The following TIFA variants were observed in gnomAD, a reference collection of about 807,000 sequenced individuals.
TIFA encodes the protein TRAF-interacting protein with FHA domain-containing protein A.
For synonymous variants in TIFA, 75 were observed against 79.2 expected (o/e 0.95, Z 0.28); for missense variants, 186 against 215.2 (o/e 0.86, Z 0.85).
intron 1 of TIFA, among the ~76,000 whole-genome samples, chr4:112,279,735 C>G (rs1462197844): frequency 6.6e-6 from 1 of 151,638 alleles, no homozygotes; most frequent in Non-Finnish European, 1.5e-5. Flanking sequence ...GGCGCAATCT[C>G]AGCTCACTGC....
At position 112,285,707 on chromosome 4, in the gene TIFA, G is replaced by C. The variant is rs1727311897; in HGVS notation, c.-86C>G. On this transcript the variant is annotated 5_prime_UTR_variant, in exon 1 of 2. Transcript: ENST00000361717. ...CTCCCGGCTCAGAGCGAGGGGAATC[G>C]AGGAGACTGGGCGCAGGATGGGGGT... is the stretch of plus-strand genomic sequence containing the variant. 6.6e-6 allele frequency: 1 copy of C among 152,432 alleles called. No homozygotes were observed. The highest frequency in any genetic ancestry group is 2.1e-4 in the South Asian group (1 of 4,830). 9.4% of individuals were successfully genotyped at this position (152,432 alleles called of 1,614,324 possible).
rs1727082082 is a variant in TIFA, at chr4:112,275,072, A to AT, written c.*2789dup. 6.6e-6 allele frequency: 1 copy of AT among 152,024 alleles called. No individual in the cohort carries two copies. The highest frequency in any genetic ancestry group is 2.4e-5 in the African/African-American group (1 of 41,376). 9.4% of individuals were successfully genotyped at this position (152,024 alleles called of 1,614,324 possible). A position where few individuals can be genotyped will look rare whatever the true frequency, so the allele number is the denominator to read the frequency against. On this transcript the variant is annotated 3_prime_UTR_variant, in exon 2 of 2. Coordinates refer to ENST00000361717, the MANE Select transcript of TIFA (RefSeq NM_052864.3). ...TCAGTACCTTGTATCAAACACCAATATTTTTGTTTGCCCCACCCCCACCCC... is the reference window on the plus strand; with the variant it reads ...TCAGTACCTTGTATCAAACACCAATATTTTTTGTTTGCCCCACCCCCACCCC...
rs1727134045 is a variant in TIFA at position 112,277,329 on chromosome 4, TA to T, written c.*532del. The T allele has an allele frequency of 6.6e-6, 1 of 152,372 alleles. No homozygotes were observed. Among genetic ancestry groups the T allele is most frequent in the South Asian group, 2.1e-4 (1 of 4,830 alleles). The allele number at this position is 152,372 out of a possible 1,614,324, so 9.4% of individuals were successfully genotyped here. ...TCTGTAAAAAGAAATCATAGAAAAG[TA>T]AGGTAGTATTTCTCAAATAAGTCCT... On this transcript the variant is annotated 3_prime_UTR_variant, in exon 2 of 2. Transcript: ENST00000361717.
chr4:112,279,859 G>T (rs1287165323), intron 1 of TIFA, among the ~76,000 whole-genome samples: 3 of 152,146 alleles, frequency 2.0e-5, no homozygotes, highest in African/African-American at 7.2e-5. Flanking sequence ...TAGAGACGGA[G>T]TTTTGCCATG....
Position 112,277,935 on chromosome 4 carries a change from G to A in TIFA, c.482C>T (p.Pro161Leu), listed in dbSNP as rs377097517. 32 of 1,613,810 alleles carry A rather than the reference G, an allele frequency of 2.0e-5. No homozygotes were observed. The African/African-American group carries it at 2.3e-4, about 11-fold the overall frequency. Residue 161 changes from proline to leucine, a missense_variant, in exon 2 of 2, where the codon CCG (proline) becomes CTG (leucine). By Grantham distance (98) the Pro-to-Leu change is moderately conservative (BLOSUM62 -3). Transcript: ENST00000361717. ...GCAGAGCGAATAAGTGCCATACTCC[G>A]GTATGGGCCTGTGTGGTGGCCAGTT... ...ENNWPPHRPI[P>L]EYGTYSLCSS...
chr4:112,283,907 T>C (rs1002696359), intron 1 of TIFA, among the ~76,000 whole-genome samples: 1 of 152,198 alleles, frequency 6.6e-6, no homozygotes, highest in African/African-American at 2.4e-5. Context: ...TGGTTGGAGA[T>C]TAGCAAAGTA....
At position 112,277,700 on chromosome 4, in the gene TIFA, A is replaced by AAAATTT; in HGVS notation, c.*161_*162insAAATTT. On this transcript the variant is annotated 3_prime_UTR_variant, in exon 2 of 2. Coordinates refer to ENST00000361717, the MANE Select transcript of TIFA (RefSeq NM_052864.3). Reference sequence around the variant, plus strand: ...AATACAACAGGTGACTAAGTTAATGACTAACACAATTTACAGACTTCAAAA... The same window carrying AAAATTT: ...AATACAACAGGTGACTAAGTTAATGAAAATTTCTAACACAATTTACAGACTTCAAAA... The AAAATTT allele has an allele frequency of 1.7e-6, 1 of 591,574 alleles. No individual in the cohort carries two copies. Among genetic ancestry groups the AAAATTT allele is most frequent in the Non-Finnish European group, 2.6e-6 (1 of 381,338 alleles). The allele number at this position is 591,574 out of a possible 1,614,324, so 36.6% of individuals were successfully genotyped here. A position where few individuals can be genotyped will look rare whatever the true frequency, so the allele number is the denominator to read the frequency against.
In TIFA at chr4:112,276,830, C is replaced by T. The variant is rs1284016464; in HGVS notation, c.*1032G>A. ...GAAAATTGTACAGTGAGCCTCACTACCTGGCAATGCTACAATTTAACTTAA... is the reference window on the plus strand; with the variant it reads ...GAAAATTGTACAGTGAGCCTCACTATCTGGCAATGCTACAATTTAACTTAA... On this transcript the variant is annotated 3_prime_UTR_variant, in exon 2 of 2. Transcript: ENST00000361717. 1.3e-5 allele frequency: 2 copies of T among 152,162 alleles called. No homozygotes were observed. The highest frequency in any genetic ancestry group is 1.9e-4 in the East Asian group (1 of 5,198). 9.4% of individuals were successfully genotyped at this position (152,162 alleles called of 1,614,324 possible).
chr4:112,280,226 T>C (rs141810131), intron 1 of TIFA, among the ~76,000 whole-genome samples: 222 of 152,300 alleles, frequency 1.5e-3, no homozygotes, highest in African/African-American at 5.1e-3. Context: ...TGTAGTTTTA[T>C]TGTTTTTTGT....
rs969154251 is a variant in TIFA at position 112,277,892 on chromosome 4, A to G, written c.525T>C (p.Ser175=). 3.1e-6 allele frequency: 5 copies of G among 1,599,256 alleles called. No homozygotes were observed. Among genetic ancestry groups the G allele is most frequent in the African/African-American group, 1.4e-5 (1 of 73,854 alleles). ...TYSLCSSQSS[S]PTEMDENES ...ACTCATTTTCATCCATTTCTGTCGGAGAACTGCTTTGGGAGGAGCAGAGCG... is the reference window on the plus strand; with the variant it reads ...ACTCATTTTCATCCATTTCTGTCGGGGAACTGCTTTGGGAGGAGCAGAGCG... Residue 175 remains serine, a synonymous_variant, in exon 2 of 2, where the codon TCT becomes TCC. Coordinates refer to ENST00000361717, the MANE Select transcript of TIFA (RefSeq NM_052864.3).
In TIFA at chr4:112,275,309, A is replaced by G. The variant is rs1368430054; in HGVS notation, c.*2553T>C. On this transcript the variant is annotated 3_prime_UTR_variant, in exon 2 of 2. Transcript: ENST00000361717. ...TAAAACTTGGGAGCTACAGGTGGCC[A>G]TGGAGCCAATATGCATTGAGGGTCA... 3 of 152,220 alleles carry G rather than the reference A, an allele frequency of 2.0e-5. No homozygotes were observed. Among genetic ancestry groups the G allele is most frequent in the Admixed American group, 2.0e-4 (3 of 15,284 alleles). 9.4% of individuals were successfully genotyped at this position (152,220 alleles called of 1,614,324 possible).
rs185362685 is a variant in TIFA, at chr4:112,276,899, T to C, written c.*963A>G. The C allele has an allele frequency of 3.6e-3, 549 of 152,340 alleles. No individual in the cohort carries two copies. Among genetic ancestry groups the C allele is most frequent in the African/African-American group, 0.012 (501 of 41,572 alleles). The allele number at this position is 152,340 out of a possible 1,614,324, so 9.4% of individuals were successfully genotyped here. A position where few individuals can be genotyped will look rare whatever the true frequency, so the allele number is the denominator to read the frequency against. ...TACTTAACATTCATAGCTACCTTAGTTAAGATAAGTCGAATAAGTATCTTA... is the reference window on the plus strand; with the variant it reads ...TACTTAACATTCATAGCTACCTTAGCTAAGATAAGTCGAATAAGTATCTTA... On this transcript the variant is annotated 3_prime_UTR_variant, in exon 2 of 2. Transcript: ENST00000361717.
chr4:112,284,231 G>C (rs1398207464), intron 1 of TIFA, among the ~76,000 whole-genome samples: 2 of 151,826 alleles, frequency 1.3e-5, no homozygotes, highest in African/African-American at 4.8e-5. Context: ...GAATGGATAC[G>C]TGTAGAGGTG....
Position 112,277,693 on chromosome 4 carries a change from G to GA in TIFA, c.*168_*169insT. On this transcript the variant is annotated 3_prime_UTR_variant, in exon 2 of 2. Transcript: ENST00000361717. ...GATCCAGAATACAACAGGTGACTAA[G>GA]TTAATGACTAACACAATTTACAGAC... The GA allele has an allele frequency of 2.2e-6, 1 of 446,534 alleles. No homozygotes were observed. The allele number at this position is 446,534 out of a possible 1,614,324, so 27.7% of individuals were successfully genotyped here.
intron 1 of TIFA, among the ~76,000 whole-genome samples, chr4:112,278,674 T>C (rs1301745405): frequency 6.6e-6 from 1 of 152,184 alleles, no homozygotes; most frequent in Non-Finnish European, 1.5e-5. Context: ...ACACCATACA[T>C]AAAATGCAGA....
At chr4:112,282,352 C>G (rs1727242903) in intron 1 of TIFA, among the ~76,000 whole-genome samples, 1 of 152,198 alleles carries the variant, frequency 6.6e-6, no homozygotes, top group South Asian at 2.1e-4. Context: ...AGGGCTATTA[C>G]TTATTTCATG....
Position 112,279,864 on chromosome 4 carries a change from G to A in TIFA, c.-18-1430C>T, listed in dbSNP as rs530358082. On this transcript the variant is annotated intron_variant, in intron 1 of 1. Transcript: ENST00000361717. ...GTATTTTTAGTAGAGACGGAGTTTT[G>A]CCATGTTAGCCAAGCTGCTCTCAAA... Among the ~76,000 whole-genome samples, 6 of 152,008 alleles carry A rather than the reference G, an allele frequency of 3.9e-5. No homozygotes were observed. The East Asian group carries it at 1.2e-3, about 29-fold the overall frequency.
Position 112,277,690 on chromosome 4 carries a change from T to TAAA in TIFA, c.*171_*172insTTT. On this transcript the variant is annotated 3_prime_UTR_variant, in exon 2 of 2. Transcript: ENST00000361717. ...GTAGATCCAGAATACAACAGGTGAC[T>TAAA]AAGTTAATGACTAACACAATTTACA... 6 of 513,608 alleles carry TAAA rather than the reference T, an allele frequency of 1.2e-5. No individual in the cohort carries two copies. The highest frequency in any genetic ancestry group is 5.5e-4 in the Middle Eastern group (1 of 1,832). The allele number at this position is 513,608 out of a possible 1,614,324, so 31.8% of individuals were successfully genotyped here.
rs1727313389 is a variant in TIFA at position 112,285,744 on chromosome 4, C to T, written c.-123G>A. The T allele has an allele frequency of 6.6e-6, 1 of 152,428 alleles. No homozygotes were observed. The highest frequency in any genetic ancestry group is 6.5e-5 in the Admixed American group (1 of 15,292). 9.4% of individuals were successfully genotyped at this position (152,428 alleles called of 1,614,324 possible). On this transcript the variant is annotated 5_prime_UTR_variant, in exon 1 of 2. Transcript: ENST00000361717. ...CGCAGGATGGGGGTGGACACCCGGC[C>T]GCTGCTCCTCCGCGCGGGTAAGTGT... is the stretch of plus-strand genomic sequence containing the variant.
Sources: gnomAD v4.1 joint callset for allele counts (sites outside exome capture counted in the v4.1 genomes callset) on GRCh38, gnomAD v4.1.1 for gene constraint, MANE v1.5 for transcripts, NCBI Gene and HGNC (gene_info 2026-07-23, HGNC 2026-07-21) for gene names.